The following RBFOX1 variants were observed in gnomAD, a reference collection of about 807,000 sequenced individuals.
RBFOX1 encodes RNA binding fox-1 homolog 1, also known as RNA binding protein fox-1 homolog 1.
A neutral mutation model predicts 57.7 loss-of-function variants in RBFOX1; 8 were observed. The observed-to-expected ratio is 0.14, with a 90% CI of 0.08 to 0.25. The LOEUF (loss-of-function observed/expected upper bound fraction) is 0.25, where lower values mean the gene tolerates loss of function less well. Among genes scored for constraint, RBFOX1 ranks in the 10% least tolerant of loss-of-function variants. The pLI is 1.00. For synonymous variants in RBFOX1, 326 were observed against 222.4 expected, an observed-to-expected ratio of 1.47 and a Z score of -4.15; for missense variants, 611 against 548.5, an observed-to-expected ratio of 1.11 and a Z score of -1.14.
intron 3 of RBFOX1, among the ~76,000 whole-genome samples, chr16:6,754,403 G>C (rs1603548871): frequency 6.6e-6 from 1 of 152,142 alleles, no homozygotes; most frequent in East Asian, 1.9e-4. Context: ...GTCATCTTGG[G>C]AATTATATTT....
At chr16:5,261,831 T>C (rs1275461352) in intron 1 of RBFOX1, among the ~76,000 whole-genome samples, 1 of 152,222 alleles carries the variant, frequency 6.6e-6, no homozygotes, top group Non-Finnish European at 1.5e-5. Context: ...ATTACAGGTG[T>C]GAGCCACCGT....
intron 3 of RBFOX1, among the ~76,000 whole-genome samples, chr16:6,735,072 G>C (rs1035817716): frequency 6.6e-6 from 1 of 151,984 alleles, no homozygotes; most frequent in Non-Finnish European, 1.5e-5. Context: ...TTGAGCCAGG[G>C]AAGTCAAGGC....
intron 2 of RBFOX1, among the ~76,000 whole-genome samples, chr16:6,551,411 T>C (rs2096987047): frequency 6.6e-6 from 1 of 152,204 alleles, no homozygotes; most frequent in Non-Finnish European, 1.5e-5. Context: ...AATAAAGAGA[T>C]ACTTCACAGA....
chr16:7,186,994 C>CAAAAAAAAAAAAAAAAAA (rs35177784), intron 4 of RBFOX1, among the ~76,000 whole-genome samples: 47 of 69,262 alleles, frequency 6.8e-4, no homozygotes, highest in African/African-American at 2.6e-3. Flanking sequence ...CCCACCTCCA[C>CAAAAAAAAAAAAAAAAAA]AAAAAAAAAA....
chr16:6,361,957 T>C (rs1167448050), intron 2 of RBFOX1, among the ~76,000 whole-genome samples: 2 of 152,158 alleles, frequency 1.3e-5, no homozygotes, highest in Admixed American at 6.5e-5. Context: ...CTGTGTGATA[T>C]ACACTGTTCT....
chr16:6,761,024 C>T (rs1448543771), intron 3 of RBFOX1, among the ~76,000 whole-genome samples: 1 of 152,170 alleles, frequency 6.6e-6, no homozygotes, highest in Non-Finnish European at 1.5e-5. Context: ...AAATACCAAA[C>T]AGAACATTAA....
chr16:6,918,101 A>G (rs2073647596), intron 3 of RBFOX1, among the ~76,000 whole-genome samples: 1 of 152,156 alleles, frequency 6.6e-6, no homozygotes, highest in African/African-American at 2.4e-5. Context: ...AGCCTGGACA[A>G]CATGGTGAAA....
At chr16:6,135,160 C>G (rs1383263279) in intron 1 of RBFOX1, among the ~76,000 whole-genome samples, 2 of 152,124 alleles carry the variant, frequency 1.3e-5, no homozygotes, top group East Asian at 1.9e-4. Flanking sequence ...TTTTCAGAAG[C>G]CATGCTTCAG....
chr16:6,414,617 C>T lies in RBFOX1; in HGVS notation c.-64+97560C>T, dbSNP rs138339012. Reference sequence around the variant, plus strand: ...TCATTCGATTCAAGCTTATATCCCACCCAAATATCTAGCACCATGTCTGGA... The same window carrying T: ...TCATTCGATTCAAGCTTATATCCCATCCAAATATCTAGCACCATGTCTGGA... On this transcript the variant is annotated intron_variant, in intron 2 of 15. Transcript: ENST00000550418. 3.9e-5 allele frequency among the ~76,000 whole-genome samples: 6 copies of T among 152,288 alleles called. No individual in the cohort carries two copies. The East Asian group carries it at 1.2e-3, about 29-fold the overall frequency.
At chr16:5,826,304 G>A (rs1287267237) in intron 3 of RBFOX1, among the ~76,000 whole-genome samples, 2 of 152,002 alleles carry the variant, frequency 1.3e-5, no homozygotes, top group East Asian at 3.8e-4. Flanking sequence ...AGTGTGAATT[G>A]TGAAGCAAAC....
At chr16:6,598,644 C>G (rs1331069082) in intron 2 of RBFOX1, among the ~76,000 whole-genome samples, 1 of 152,138 alleles carries the variant, frequency 6.6e-6, no homozygotes. Flanking sequence ...TTCAAAATGG[C>G]TTTTAAGAAT....
intron 5 of RBFOX1, among the ~76,000 whole-genome samples, chr16:7,533,535 A>G (rs1567701948): frequency 6.6e-6 from 1 of 152,204 alleles, no homozygotes. Context: ...CACTTCCCCT[A>G]CTGAACATCA....
chr16:5,994,847 A>T (rs553804873), intron 4 of RBFOX1, among the ~76,000 whole-genome samples: 4 of 152,212 alleles, frequency 2.6e-5, no homozygotes. Context: ...CAAGTGCCCA[A>T]TGAGAAATGC....
chr16:5,676,253 A>T (rs528894158), intron 3 of RBFOX1, among the ~76,000 whole-genome samples: 186 of 101,734 alleles, frequency 1.8e-3, no homozygotes, highest in African/African-American at 8.2e-3. Flanking sequence ...AAAGTGAAAT[A>T]AAAAAAAAAA....
At chr16:7,048,400 C>T (rs1168250717) in intron 3 of RBFOX1, among the ~76,000 whole-genome samples, 2 of 152,032 alleles carry the variant, frequency 1.3e-5, no homozygotes, top group Admixed American at 1.3e-4. Flanking sequence ...GCTGGGACTA[C>T]AGTCGCGTGT....
chr16:6,518,223 G>T (rs988239842), intron 2 of RBFOX1, among the ~76,000 whole-genome samples: 1 of 152,150 alleles, frequency 6.6e-6, no homozygotes. Flanking sequence ...TACCTTGAGG[G>T]TTGTCTGGGC....
chr16:7,429,382 C>T (rs573667349), intron 4 of RBFOX1, among the ~76,000 whole-genome samples: 29 of 151,844 alleles, frequency 1.9e-4, no homozygotes, highest in African/African-American at 6.7e-4. Context: ...TTGGTGTCAC[C>T]GTCCTCTGAG....
At chr16:6,157,983 T>C (rs781645482) in intron 1 of RBFOX1, among the ~76,000 whole-genome samples, 2 of 152,198 alleles carry the variant, frequency 1.3e-5, no homozygotes, top group Non-Finnish European at 2.9e-5. Context: ...AGATGAGATA[T>C]ACTAATTGGC....
At chr16:7,554,987 G>C (rs2087859736) in intron 5 of RBFOX1, among the ~76,000 whole-genome samples, 1 of 152,158 alleles carries the variant, frequency 6.6e-6, no homozygotes, top group Admixed American at 6.6e-5. Flanking sequence ...TTATTATTTA[G>C]CATTTAGGTA....
Sources: allele counts gnomAD v4.1 joint callset (sites outside exome capture counted in the v4.1 genomes callset), GRCh38; gene constraint gnomAD v4.1.1; transcripts MANE v1.5; gene names NCBI Gene and HGNC (gene_info 2026-07-23, HGNC 2026-07-21).